STX8: variants seen among roughly 807,000 people sequenced by gnomAD.
STX8 encodes syntaxin-8.
STX8 carries 23 observed loss-of-function variants against 37.5 expected under a neutral mutation model. The ratio of observed to expected loss-of-function variants is 0.61; its 90% confidence interval spans 0.44 to 0.87. The LOEUF is 0.87. Among genes scored for constraint, STX8 ranks in the 40% least tolerant of loss-of-function variants. The pLI is 0.00. For missense variants in STX8, 313 were observed against 284.7 expected (o/e 1.10, Z -0.71); for synonymous variants, 115 against 99.1 (o/e 1.16, Z -0.95).
intron 5 of STX8, among the ~76,000 whole-genome samples, chr17:9,496,500 T>A (rs2080681251): frequency 6.6e-6 from 1 of 152,248 alleles, no homozygotes; most frequent in African/African-American, 2.4e-5. Flanking sequence ...CCACACTCTA[T>A]CAGTCATTAT....
chr17:9,499,374 G>A lies in STX8; in HGVS notation c.448+5664C>T, dbSNP rs550195833. Among the ~76,000 whole-genome samples the A allele has an allele frequency of 9.4e-4, 143 of 152,150 alleles. 2 individuals are homozygous for A. Among genetic ancestry groups the A allele is most frequent in the Admixed American group, 7.9e-4 (12 of 15,268 alleles). ...TTTTTGTATTTGTCCTTGAAAAACAGCTCGCTAGCAAAGAGGAATATGGCA... is the reference window on the plus strand; with the variant it reads ...TTTTTGTATTTGTCCTTGAAAAACAACTCGCTAGCAAAGAGGAATATGGCA... On this transcript the variant is annotated intron_variant, in intron 5 of 7. Coordinates refer to ENST00000306357, the MANE Select transcript of STX8 (RefSeq NM_004853.3).
chr17:9,366,551 T>C (rs568168324), intron 7 of STX8, among the ~76,000 whole-genome samples: 2 of 152,304 alleles, frequency 1.3e-5, no homozygotes, highest in Non-Finnish European at 2.9e-5. Context: ...TCTATTCACC[T>C]TTCTCGAATG....
At chr17:9,486,236 G>A (rs1906592456) in intron 6 of STX8, among the ~76,000 whole-genome samples, 1 of 152,200 alleles carries the variant, frequency 6.6e-6, no homozygotes, top group Non-Finnish European at 1.5e-5. Flanking sequence ...AGGGATCCTT[G>A]AGGAAACAGC....
At chr17:9,458,598 C>T (rs536732340) in intron 6 of STX8, among the ~76,000 whole-genome samples, 13 of 152,298 alleles carry the variant, frequency 8.5e-5, no homozygotes, top group South Asian at 6.2e-4. Flanking sequence ...AGAAAATATA[C>T]GAGAGGTTCT....
Position 9,271,903 on chromosome 17 carries a change from C to G in STX8, c.644-21258G>C, listed in dbSNP as rs12944138. ...CATCTGTTACCATGATAGAAGAAAC[C>G]GTGGCTTTCTCTGGCGACTATAAGT... On this transcript the variant is annotated intron_variant, in intron 7 of 7. Coordinates refer to ENST00000306357, the MANE Select transcript of STX8 (RefSeq NM_004853.3). 2.0e-3 allele frequency among the ~76,000 whole-genome samples: 309 copies of G among 152,146 alleles called. 2 individuals are homozygous for G. The highest frequency in any genetic ancestry group is 7.2e-3 in the African/African-American group (301 of 41,534).
At chr17:9,274,978 T>C (rs1343333171) in intron 7 of STX8, among the ~76,000 whole-genome samples, 1 of 151,926 alleles carries the variant, frequency 6.6e-6, no homozygotes, top group Non-Finnish European at 1.5e-5. Flanking sequence ...CTCAGACTCC[T>C]GACCTCAAGT....
intron 5 of STX8, among the ~76,000 whole-genome samples, chr17:9,498,728 TAG>T (rs996670162): frequency 2.0e-5 from 3 of 152,130 alleles, no homozygotes; most frequent in Non-Finnish European, 2.9e-5. Flanking sequence ...AATTTCCTGC[TAG>T]AGTCTAGAAA....
At chr17:9,263,323 C>CA (rs926439096) in intron 7 of STX8, among the ~76,000 whole-genome samples, 18 of 152,056 alleles carry the variant, frequency 1.2e-4, no homozygotes, top group African/African-American at 4.1e-4. Flanking sequence ...ACTAAAAATA[C>CA]AAAAAAATTA....
intron 6 of STX8, among the ~76,000 whole-genome samples, chr17:9,394,887 C>G (rs1478369198): frequency 6.6e-6 from 1 of 151,110 alleles, no homozygotes; most frequent in African/African-American, 2.4e-5. Context: ...CCTGGCCTGG[C>G]CGACATGATG....
At chr17:9,440,670 G>A (rs746637256) in intron 6 of STX8, among the ~76,000 whole-genome samples, 7 of 152,002 alleles carry the variant, frequency 4.6e-5, no homozygotes, top group Non-Finnish European at 1.0e-4. Context: ...GATTGCAGGC[G>A]TGGACCACCA....
At chr17:9,495,167 T>C (rs748337219) in intron 5 of STX8, among the ~76,000 whole-genome samples, 2 of 152,224 alleles carry the variant, frequency 1.3e-5, no homozygotes, top group Admixed American at 6.5e-5. Context: ...CTTTGTGACA[T>C]TGTTTGACAC....
At chr17:9,377,626 A>AT (rs982134163) in intron 7 of STX8, among the ~76,000 whole-genome samples, 1 of 152,040 alleles carries the variant, frequency 6.6e-6, no homozygotes, top group Non-Finnish European at 1.5e-5. Context: ...ATGGCTGGCT[A>AT]TTTTTTTGTA....
At chr17:9,422,481 C>T (rs1004947673) in intron 6 of STX8, among the ~76,000 whole-genome samples, 3 of 152,206 alleles carry the variant, frequency 2.0e-5, no homozygotes, top group Admixed American at 6.5e-5. Context: ...CCTGGCATCA[C>T]CAATCTGAAT....
At chr17:9,430,519 G>T (rs1314557442) in intron 6 of STX8, among the ~76,000 whole-genome samples, 7 of 151,568 alleles carry the variant, frequency 4.6e-5, no homozygotes, top group Admixed American at 2.0e-4. Flanking sequence ...TGTCTTCCAG[G>T]TTCATATATG....
chr17:9,314,673 G>C (rs1161129699), intron 7 of STX8, among the ~76,000 whole-genome samples: 5 of 150,228 alleles, frequency 3.3e-5, no homozygotes. Context: ...CTCCCAAAGT[G>C]CTGGGATTAC....
chr17:9,250,550 G>A lies in STX8; in HGVS notation c.*28C>T. ...GGGCTTGCATCTGTCATTGGCAGGTGTCACTGCTGGTGGTCTCTTTACTGC... is the reference window on the plus strand; with the variant it reads ...GGGCTTGCATCTGTCATTGGCAGGTATCACTGCTGGTGGTCTCTTTACTGC... On this transcript the variant is annotated 3_prime_UTR_variant, in exon 8 of 8. Coordinates refer to ENST00000306357, the MANE Select transcript of STX8 (RefSeq NM_004853.3). 7 of 1,570,532 alleles carry A rather than the reference G, an allele frequency of 4.5e-6. No homozygotes were observed. The highest frequency in any genetic ancestry group is 6.1e-6 in the Non-Finnish European group (7 of 1,155,868).
At chr17:9,267,860 G>A (rs1907285252) in intron 7 of STX8, among the ~76,000 whole-genome samples, 1 of 152,066 alleles carries the variant, frequency 6.6e-6, no homozygotes, top group African/African-American at 2.4e-5. Context: ...GCGTGGTGGT[G>A]GGTGCCTGTA....
At chr17:9,533,697 A>G (rs182168786) in intron 4 of STX8, among the ~76,000 whole-genome samples, 51 of 152,348 alleles carry the variant, frequency 3.3e-4, no homozygotes, top group Non-Finnish European at 6.2e-4. Flanking sequence ...AAGGTTCTTA[A>G]TGAGGTCAAA....
intron 6 of STX8, among the ~76,000 whole-genome samples, chr17:9,414,080 G>A (rs1290774885): frequency 0.013 from 312 of 24,592 alleles, 31 homozygotes; most frequent in East Asian, 0.019. Context: ...CCACCCATCT[G>A]TCCATCCATC....
Sources: gnomAD v4.1 joint callset for allele counts (sites outside exome capture counted in the v4.1 genomes callset) on GRCh38, gnomAD v4.1.1 for gene constraint, MANE v1.5 for transcripts, NCBI Gene and HGNC (gene_info 2026-07-23, HGNC 2026-07-21) for gene names.